Variants in FMNL2 observed in about 807,000 individuals in gnomAD.
FMNL2 encodes the protein formin like 2, also known as formin-like protein 2.
Under a neutral mutation model 130.2 loss-of-function variants are expected in FMNL2, and 51 were observed. The observed-to-expected ratio is 0.39, with a 90% CI of 0.31 to 0.49. The LOEUF is 0.49. FMNL2 is among the 20% of genes least tolerant of loss of function. The pLI is 0.85. For synonymous variants in FMNL2, 465 were observed against 467.1 expected (o/e 1.00, Z 0.06); for missense variants, 977 against 1,316.2 (o/e 0.74, Z 3.99).
At chr2:152,643,317 C>T in intron 25 of FMNL2, 1 of 1,471,088 alleles carries the variant, frequency 6.8e-7, no homozygotes, top group East Asian at 2.5e-5. Context: ...CCACCCCCAT[C>T]CCCAGGTATG....
intron 1 of FMNL2, among the ~76,000 whole-genome samples, chr2:152,338,922 A>G (rs749804782): frequency 1.8e-4 from 28 of 152,278 alleles, no homozygotes; most frequent in Non-Finnish European, 3.1e-4. Context: ...TGTATAATTT[A>G]TATGGAAGTG....
At chr2:152,429,689 T>C (rs1191579695) in intron 1 of FMNL2, among the ~76,000 whole-genome samples, 2 of 152,080 alleles carry the variant, frequency 1.3e-5, no homozygotes, top group Admixed American at 6.6e-5. Flanking sequence ...GGAAATGCTC[T>C]TTCTTTTTTA....
chr2:152,443,963 G>A (rs925031679), intron 1 of FMNL2, among the ~76,000 whole-genome samples: 1 of 152,196 alleles, frequency 6.6e-6, no homozygotes, highest in Non-Finnish European at 1.5e-5. Flanking sequence ...AGTCCGTCGT[G>A]CATTCACACA....
At chr2:152,510,684 G>T (rs1007064095) in intron 1 of FMNL2, among the ~76,000 whole-genome samples, 4 of 152,166 alleles carry the variant, frequency 2.6e-5, no homozygotes, top group Non-Finnish European at 4.4e-5. Context: ...TACCACGAGG[G>T]GTGAGAGCCA....
chr2:152,385,496 G>A (rs968217326), intron 1 of FMNL2, among the ~76,000 whole-genome samples: 1 of 152,206 alleles, frequency 6.6e-6, no homozygotes, highest in African/African-American at 2.4e-5. Flanking sequence ...GGTTTAAACT[G>A]TGCCGTGATT....
chr2:152,581,833 T>G (rs569340905), intron 9 of FMNL2, among the ~76,000 whole-genome samples: 1 of 152,210 alleles, frequency 6.6e-6, no homozygotes, highest in East Asian at 1.9e-4. Flanking sequence ...AATAGGACCC[T>G]TCGCCAAGTT....
At chr2:152,406,297 C>T (rs1685973978) in intron 1 of FMNL2, among the ~76,000 whole-genome samples, 1 of 152,046 alleles carries the variant, frequency 6.6e-6, no homozygotes, top group South Asian at 2.1e-4. Context: ...CTACTGTGTT[C>T]AGTAGCATTT....
At chr2:152,576,315 A>G (rs1215159750) in intron 7 of FMNL2, among the ~76,000 whole-genome samples, 5 of 152,192 alleles carry the variant, frequency 3.3e-5, no homozygotes, top group Admixed American at 1.3e-4. Flanking sequence ...CATTGAATAA[A>G]TCTGTGGCCC....
intron 1 of FMNL2, among the ~76,000 whole-genome samples, chr2:152,407,642 G>A (rs554458565): frequency 1.3e-5 from 2 of 152,172 alleles, no homozygotes; most frequent in Non-Finnish European, 2.9e-5. Flanking sequence ...GCCCCATTGA[G>A]TCTGTTGGCT....
At chr2:152,588,391 G>A (rs1435076349) in intron 9 of FMNL2, among the ~76,000 whole-genome samples, 1 of 151,886 alleles carries the variant, frequency 6.6e-6, no homozygotes, top group Non-Finnish European at 1.5e-5. Context: ...GATGACATTG[G>A]GCCCATCCAT....
chr2:152,575,324 C>T (rs1287489889), intron 7 of FMNL2, 80 bp downstream of exon 7: 15 of 837,836 alleles, frequency 1.8e-5, no homozygotes, highest in Middle Eastern at 4.5e-4. Flanking sequence ...CAGTGTACAC[C>T]GCTTGGGCGA....
At chr2:152,633,916 A>G (rs1682365902) in intron 21 of FMNL2, among the ~76,000 whole-genome samples, 1 of 152,168 alleles carries the variant, frequency 6.6e-6, no homozygotes, top group Admixed American at 6.5e-5. Flanking sequence ...CCCAACACAG[A>G]TTCTGTATTC....
At chr2:152,532,710 C>T (rs150646005) in intron 2 of FMNL2, among the ~76,000 whole-genome samples, 84 of 150,942 alleles carry the variant, frequency 5.6e-4, no homozygotes, top group African/African-American at 1.9e-3. Context: ...TGGGTTCAAG[C>T]GATTCTCCTG....
At chr2:152,577,453 C>A (rs1696539488) in intron 7 of FMNL2, among the ~76,000 whole-genome samples, 1 of 152,040 alleles carries the variant, frequency 6.6e-6, no homozygotes, top group Non-Finnish European at 1.5e-5. Flanking sequence ...GTGGTCTAGG[C>A]TGGAGTTAGA....
At chr2:152,459,135 A>G (rs958238837) in intron 1 of FMNL2, among the ~76,000 whole-genome samples, 20 of 152,204 alleles carry the variant, frequency 1.3e-4, no homozygotes, top group African/African-American at 4.8e-4. Flanking sequence ...GATTATCAAA[A>G]GCAGAAATTT....
intron 20 of FMNL2, among the ~76,000 whole-genome samples, chr2:152,631,392 CAA>C (rs33966314): frequency 0.01 from 803 of 77,216 alleles, no homozygotes; most frequent in East Asian, 0.017. Context: ...GACTCCATCT[CAA>C]AAAAAAAAAA....
At chr2:152,411,186 A>G (rs1380635249) in intron 1 of FMNL2, among the ~76,000 whole-genome samples, 1 of 152,208 alleles carries the variant, frequency 6.6e-6, no homozygotes, top group East Asian at 1.9e-4. Flanking sequence ...AGAGAATTTG[A>G]CAGAAGCAGA....
chr2:152,501,700 C>T (rs535269612), intron 1 of FMNL2, among the ~76,000 whole-genome samples: 28 of 150,514 alleles, frequency 1.9e-4, no homozygotes, highest in African/African-American at 6.1e-4. Context: ...TGTAAATTTG[C>T]GTGACTTTTT....
chr2:152,425,305 C>CA (rs1687146563), intron 1 of FMNL2, among the ~76,000 whole-genome samples: 1 of 152,124 alleles, frequency 6.6e-6, no homozygotes, highest in Non-Finnish European at 1.5e-5. Flanking sequence ...GAATTGGAGA[C>CA]AGAGTTATTT....
Sources: gnomAD v4.1 joint callset for allele counts (sites outside exome capture counted in the v4.1 genomes callset) on GRCh38, gnomAD v4.1.1 for gene constraint, MANE v1.5 for transcripts, NCBI Gene and HGNC (gene_info 2026-07-23, HGNC 2026-07-21) for gene names.